Variants in AKAP19 observed in about 807,000 individuals in gnomAD.
AKAP19 encodes the protein A-kinase anchoring protein 19.
At chr2:190,039,536 T>C in the AKAP19 span, among the ~76,000 whole-genome samples, 1 of 152,184 alleles carries the variant, frequency 6.6e-6, no homozygotes, top group African/African-American at 2.4e-5. Flanking sequence ...TTTTTAACTT[T>C]TAAGTTTGGA....
chr2:189,886,102 C>T, the AKAP19 span, among the ~76,000 whole-genome samples: 5 of 152,118 alleles, frequency 3.3e-5, no homozygotes, highest in African/African-American at 1.2e-4. Context: ...AGTCACTGTG[C>T]CCAGCCTAAA....
chr2:190,049,484 A>G, the AKAP19 span, among the ~76,000 whole-genome samples: 3 of 152,210 alleles, frequency 2.0e-5, no homozygotes, highest in Non-Finnish European at 4.4e-5. Flanking sequence ...ATTAAATATA[A>G]TCATATTCTT....
chr2:189,923,253 C>T, the AKAP19 span: 58 of 1,396,856 alleles, frequency 4.2e-5, no homozygotes, highest in African/African-American at 7.7e-4. Flanking sequence ...ACGCAGAACC[C>T]GGGAGTAGGA....
At chr2:190,198,918 CA>C in the AKAP19 span, among the ~76,000 whole-genome samples, 1 of 152,142 alleles carries the variant, frequency 6.6e-6, no homozygotes, top group Non-Finnish European at 1.5e-5. Flanking sequence ...AAACATCAAA[CA>C]AGGGTAGGAA....
the AKAP19 span, among the ~76,000 whole-genome samples, chr2:189,928,155 C>A: frequency 6.6e-6 from 1 of 151,998 alleles, no homozygotes; most frequent in African/African-American, 2.4e-5. Flanking sequence ...ATGAAATGTG[C>A]CTTATTTGGA....
At chr2:190,005,216 T>C in the AKAP19 span, among the ~76,000 whole-genome samples, 20 of 152,194 alleles carry the variant, frequency 1.3e-4, no homozygotes, top group African/African-American at 3.9e-4. Context: ...TTCCGCAGCA[T>C]GCAGGGAGAC....
At chr2:190,023,183 A>G in the AKAP19 span, among the ~76,000 whole-genome samples, 2 of 152,162 alleles carry the variant, frequency 1.3e-5, no homozygotes, top group African/African-American at 2.4e-5. Context: ...TTTTTATGCT[A>G]TATTGTAAAC....
At chr2:190,170,818 A>C in the AKAP19 span, among the ~76,000 whole-genome samples, 3 of 152,190 alleles carry the variant, frequency 2.0e-5, no homozygotes, top group Non-Finnish European at 2.9e-5. Flanking sequence ...GTGCAGAGTC[A>C]CACTCAGTTC....
the AKAP19 span, among the ~76,000 whole-genome samples, chr2:189,929,082 C>T: frequency 6.6e-6 from 1 of 152,162 alleles, no homozygotes; most frequent in Non-Finnish European, 1.5e-5. Flanking sequence ...GAGATCACAA[C>T]TATGAAGTCA....
At chr2:190,045,997 T>C in the AKAP19 span, among the ~76,000 whole-genome samples, 1 of 152,228 alleles carries the variant, frequency 6.6e-6, no homozygotes, top group South Asian at 2.1e-4. Flanking sequence ...AGAAGCATGA[T>C]TTCCCAGGGT....
At chr2:189,920,055 A>T in the AKAP19 span, among the ~76,000 whole-genome samples, 2 of 152,348 alleles carry the variant, frequency 1.3e-5, no homozygotes, top group Non-Finnish European at 2.9e-5. Context: ...GCTGTGGCTT[A>T]ATCAGGATAA....
At chr2:189,976,499 A>G in the AKAP19 span, among the ~76,000 whole-genome samples, 3 of 152,150 alleles carry the variant, frequency 2.0e-5, no homozygotes, top group African/African-American at 7.2e-5. Flanking sequence ...TACTCTCTTC[A>G]AAGCTGTCAG....
the AKAP19 span, among the ~76,000 whole-genome samples, chr2:190,031,085 TGA>T: frequency 1.3e-5 from 2 of 152,078 alleles, no homozygotes; most frequent in African/African-American, 4.8e-5. Context: ...GAAACAGAAG[TGA>T]GGGGTCAGAA....
the AKAP19 span, among the ~76,000 whole-genome samples, chr2:190,016,252 G>T: frequency 6.6e-6 from 1 of 152,182 alleles, no homozygotes; most frequent in Non-Finnish European, 1.5e-5. Context: ...AAGGGAAGAG[G>T]TTTAATTGAC....
the AKAP19 span, among the ~76,000 whole-genome samples, chr2:190,049,821 G>A: frequency 2.6e-5 from 4 of 152,178 alleles, no homozygotes; most frequent in Non-Finnish European, 4.4e-5. Flanking sequence ...ATAAATATGT[G>A]TATAGCATGT....
the AKAP19 span, among the ~76,000 whole-genome samples, chr2:190,067,934 G>T: frequency 6.6e-6 from 1 of 152,042 alleles, no homozygotes; most frequent in Admixed American, 6.5e-5. Context: ...AGGCACGGTG[G>T]CTCATGCCTG....
At chr2:190,121,488 C>T in the AKAP19 span, among the ~76,000 whole-genome samples, 1 of 152,186 alleles carries the variant, frequency 6.6e-6, no homozygotes, top group Non-Finnish European at 1.5e-5. Context: ...GAGTCATTCA[C>T]AGACTGGAAA....
the AKAP19 span, among the ~76,000 whole-genome samples, chr2:190,129,639 G>T: frequency 4.7e-5 from 7 of 148,698 alleles, no homozygotes; most frequent in African/African-American, 2.5e-5. Flanking sequence ...GTGGGTTGCA[G>T]CATCTGTTAG....
chr2:189,896,033 C>G, the AKAP19 span, among the ~76,000 whole-genome samples: 1 of 150,618 alleles, frequency 6.6e-6, no homozygotes, highest in Non-Finnish European at 1.5e-5. Flanking sequence ...AAACATACTG[C>G]TAAAATTTCA....
Sources: allele counts gnomAD v4.1 joint callset (sites outside exome capture counted in the v4.1 genomes callset), GRCh38; gene constraint gnomAD v4.1.1; transcripts MANE v1.5; gene names NCBI Gene and HGNC (gene_info 2026-07-23, HGNC 2026-07-21).